NAT9: variants seen among roughly 807,000 people sequenced by gnomAD.
The protein encoded by NAT9 is N-acetyltransferase 9.
NAT9 carries 18 observed loss-of-function variants against 24.0 expected under a neutral mutation model. The ratio of observed to expected loss-of-function variants is 0.75; its 90% confidence interval spans 0.52 to 1.11. The LOEUF is 1.11. Among genes scored for constraint, NAT9 ranks in the 50% most tolerant of loss-of-function variants. NAT9 has a pLI of 0.00. For missense variants in NAT9, 254 were observed against 258.6 expected, an observed-to-expected ratio of 0.98 and a Z score of 0.12; for synonymous variants, 104 against 102.3, an observed-to-expected ratio of 1.02 and a Z score of -0.10.
chr17:74,775,551 C>T, intron 2 of NAT9, 71 bp downstream of exon 2: 2 of 1,273,196 alleles, frequency 1.6e-6, no homozygotes, highest in Non-Finnish European at 2.2e-6. Context: ...GGGAAATAGC[C>T]CTGAGACTGG....
In NAT9 at chr17:74,772,138, C is replaced by T. The variant is rs1345063590; in HGVS notation, c.394+80G>A. On this transcript the variant is annotated intron_variant, in intron 5 of 6. Coordinates refer to ENST00000357814, the MANE Select transcript of NAT9 (RefSeq NM_015654.5). ...CCAAGCTGCAGAGGAGGAACCTTCA[C>T]CTGCCCCCAACCCTCACACCTGAAC... 4 of 1,613,578 alleles carry T rather than the reference C, an allele frequency of 2.5e-6. No individual in the cohort carries two copies. The South Asian group carries it at 4.4e-5, about 18-fold the overall frequency.
chr17:74,775,484 C>G, intron 2 of NAT9, 138 bp downstream of exon 2: 1 of 698,050 alleles, frequency 1.4e-6, no homozygotes, highest in East Asian at 3.1e-5. Flanking sequence ...CCACGGCACC[C>G]AGCCTTTTTT....
intron 2 of NAT9, among the ~76,000 whole-genome samples, chr17:74,774,411 A>ATTTTT (rs1376637159): frequency 2.4e-4 from 30 of 127,224 alleles, no homozygotes; most frequent in African/African-American, 7.8e-4. Context: ...AGGTTCTGCT[A>ATTTTT]TTTTTTTTTT....
At chr17:74,775,425 G>A (rs1402921434) in intron 2 of NAT9, 197 bp downstream of exon 2, 3 of 474,604 alleles carry the variant, frequency 6.3e-6, no homozygotes, top group Non-Finnish European at 1.1e-5. Context: ...CTGGGCTCAA[G>A]CAATCCTCCT....
intron 6 of NAT9, 29 bp downstream of exon 6, chr17:74,771,931 A>C: frequency 6.2e-7 from 1 of 1,614,202 alleles, no homozygotes; most frequent in Middle Eastern, 1.6e-4. Flanking sequence ...CCCAGGTCTA[A>C]GCCCCACTCT....
In NAT9 at chr17:74,772,239, C is replaced by A. The variant is rs749229211; in HGVS notation, c.373G>T (p.Val125Phe). The A allele has an allele frequency of 6.2e-6, 10 of 1,614,232 alleles. No homozygotes were observed. The highest frequency in any genetic ancestry group is 1.7e-5 in the Admixed American group (1 of 60,036). The part of the protein sequence containing the change: ...CRGKGLGTEA[V>F]LAMLSYGVTT... ...TTACCGTAAGACAGCATCGCGAGAA[C>A]GGCCTCAGTGCCAAGGCCCTTACCC... is the stretch of plus-strand genomic sequence containing the variant. The change falls in exon 5 of 7, where the codon GTT becomes TTT. Residue 125 changes from valine (V) to phenylalanine (F), a missense_variant. Val to Phe is a conservative substitution (Grantham distance 50). Transcript: ENST00000357814.
Position 74,773,370 on chromosome 17 carries a change from C to G in NAT9, c.190+206G>C, listed in dbSNP as rs113175952. On this transcript the variant is annotated intron_variant, in intron 3 of 6. Coordinates refer to ENST00000357814, the MANE Select transcript of NAT9 (RefSeq NM_015654.5). ...TCTACTTTCTCCAAATCCTTCCAAG[C>G]CCGATGCAGTGGGTGGGGAAGAGGA... 711 of 599,216 alleles carry G rather than the reference C, an allele frequency of 1.2e-3. 6 individuals carry two copies. Among genetic ancestry groups the G allele is most frequent in the African/African-American group, 0.011 (599 of 53,900 alleles). The allele number at this position is 599,216 out of a possible 1,614,324, so 37.1% of individuals were successfully genotyped here. A position where few individuals can be genotyped will look rare whatever the true frequency, so the allele number is the denominator to read the frequency against.
intron 2 of NAT9, among the ~76,000 whole-genome samples, chr17:74,775,159 TTTTGTTTTTG>T (rs1428958489): frequency 1.7e-3 from 253 of 151,658 alleles, no homozygotes; most frequent in African/African-American, 5.6e-3. Flanking sequence ...CCGGCCGTTT[TTTTGTTTTTG>T]TTTGTTTTTG....
rs993822170 is a variant in NAT9 at position 74,771,152 on chromosome 17, G to A, written c.*572C>T. 1 of 161,466 alleles carries A rather than the reference G, an allele frequency of 6.2e-6. No individual in the cohort carries two copies. The allele number at this position is 161,466 out of a possible 1,614,324, so 10.0% of individuals were successfully genotyped here. A position where few individuals can be genotyped will look rare whatever the true frequency, so the allele number is the denominator to read the frequency against. On this transcript the variant is annotated 3_prime_UTR_variant, in exon 7 of 7. Coordinates refer to ENST00000357814, the MANE Select transcript of NAT9 (RefSeq NM_015654.5). ...GAGAGGAGGACGGACACTAGGTTGA[G>A]GGGCCAGGCCACACTCACTCTGGAC...
At position 74,771,529 on chromosome 17, in the gene NAT9, C is replaced by T; in HGVS notation, c.*195G>A. 1 of 851,540 alleles carries T rather than the reference C, an allele frequency of 1.2e-6. No homozygotes were observed. Among genetic ancestry groups the T allele is most frequent in the Admixed American group, 2.9e-5 (1 of 34,744 alleles). The allele number at this position is 851,540 out of a possible 1,614,324, so 52.7% of individuals were successfully genotyped here. A position where few individuals can be genotyped will look rare whatever the true frequency, so the allele number is the denominator to read the frequency against. On this transcript the variant is annotated 3_prime_UTR_variant, in exon 7 of 7. Transcript: ENST00000357814. ...GCCGGGAGGGGAGAAGGGAACTGGC[C>T]CTGGCCCTGGAGTCTGCTCAGCCAC...
At chr17:74,773,512 AGACT>A in intron 3 of NAT9, 60 bp downstream of exon 3, 5 of 1,405,782 alleles carry the variant, frequency 3.6e-6, no homozygotes, top group Admixed American at 1.7e-5. Flanking sequence ...AGGAACCTGG[AGACT>A]GACTGTGGAG....
At chr17:74,773,148 G>A (rs1422689990) in intron 3 of NAT9, 109 bp from the exon 4 acceptor site, 1 of 1,339,724 alleles carries the variant, frequency 7.5e-7, no homozygotes, top group Admixed American at 2.5e-5. Flanking sequence ...CTCTGAGTCT[G>A]CCAGGAGAAG....
intron 2 of NAT9, among the ~76,000 whole-genome samples, chr17:74,774,808 C>T (rs957394577): frequency 6.6e-6 from 1 of 152,086 alleles, no homozygotes; most frequent in Non-Finnish European, 1.5e-5. Context: ...CCTCGGTCTC[C>T]CAAAGTGCTG....
rs114724578 is a variant in NAT9 at position 74,772,189 on chromosome 17, T to C, written c.394+29A>G. ...AAAGTTCACCTGGGGCCTGCCCACT[T>C]CCCGCATTGTCTGCTCACACTTTCT... On this transcript the variant is annotated intron_variant, in intron 5 of 6. Coordinates refer to ENST00000357814, the MANE Select transcript of NAT9 (RefSeq NM_015654.5). The C allele has an allele frequency of 3.6e-3, 5,883 of 1,614,160 alleles. 166 individuals carry two copies. In the African/African-American group the frequency reaches 0.067, roughly 18 times the overall value.
In NAT9 at chr17:74,771,453, C is replaced by T. The variant is rs946775141; in HGVS notation, c.*271G>A. On this transcript the variant is annotated 3_prime_UTR_variant, in exon 7 of 7. Transcript: ENST00000357814. ...CTCCCACCTTCATCCCGACATCTCC[C>T]ATGGATCCCTGCCCTCCATTCCAGC... The T allele has an allele frequency of 1.9e-6, 1 of 540,238 alleles. No homozygotes were observed. Among genetic ancestry groups the T allele is most frequent in the African/African-American group, 1.9e-5 (1 of 52,854 alleles). The allele number at this position is 540,238 out of a possible 1,614,324, so 33.5% of individuals were successfully genotyped here. A position where few individuals can be genotyped will look rare whatever the true frequency, so the allele number is the denominator to read the frequency against.
Position 74,772,891 on chromosome 17 carries a change from C to A in NAT9, c.334+5G>T. 6.2e-7 allele frequency: 1 copy of A among 1,614,056 alleles called. No individual in the cohort carries two copies. On this transcript the variant is annotated splice_donor_5th_base_variant and intron_variant, in intron 4 of 6. Coordinates refer to ENST00000357814, the MANE Select transcript of NAT9 (RefSeq NM_015654.5). ...CAGCGGAAGGCAGGGCTAGGTGAAA[C>A]AAACCTGCAATCATGACCTCGATCT...
Position 74,776,286 on chromosome 17 carries a change from C to G in NAT9, c.-29G>C, listed in dbSNP as rs1445724118. ...ACCCACCTACCACCGACGAAATCGT[C>G]CCCCGCAGAAAGGGTGATCTACCTC... On this transcript the variant is annotated 5_prime_UTR_variant, in exon 1 of 7. Coordinates refer to ENST00000357814, the MANE Select transcript of NAT9 (RefSeq NM_015654.5). The G allele has an allele frequency of 6.5e-6, 1 of 152,768 alleles. No homozygotes were observed. Among genetic ancestry groups the G allele is most frequent in the East Asian group, 1.9e-4 (1 of 5,182 alleles). The allele number at this position is 152,768 out of a possible 1,614,324, so 9.5% of individuals were successfully genotyped here.
At position 74,772,286 on chromosome 17, in the gene NAT9, GAC is replaced by G; in HGVS notation, c.335-11_335-10del. On this transcript the variant is annotated splice_polypyrimidine_tract_variant and intron_variant, in intron 4 of 6. Coordinates refer to ENST00000357814, the MANE Select transcript of NAT9 (RefSeq NM_015654.5). ...ACCCCTGCAGCTGGGCTCTAGGAGA[GAC>G]AACAGGAGCGGCGCTGACGCCGTGT... 6.2e-7 allele frequency: 1 copy of G among 1,613,858 alleles called. No individual in the cohort carries two copies. The highest frequency in any genetic ancestry group is 8.5e-7 in the Non-Finnish European group (1 of 1,180,014).
At chr17:74,773,474 G>A in intron 3 of NAT9, 102 bp downstream of exon 3, 1 of 1,044,476 alleles carries the variant, frequency 9.6e-7, no homozygotes, top group South Asian at 1.3e-5. Flanking sequence ...TTTTCACAAA[G>A]CTTCTATGGC....
Sources: gnomAD v4.1 joint callset for allele counts (sites outside exome capture counted in the v4.1 genomes callset) on GRCh38, gnomAD v4.1.1 for gene constraint, MANE v1.5 for transcripts, NCBI Gene and HGNC (gene_info 2026-07-23, HGNC 2026-07-21) for gene names.